Variants in SNTG1 observed in about 807,000 individuals in gnomAD.
SNTG1 encodes syntrophin gamma 1, also known as gamma-1-syntrophin.
Under a neutral mutation model 74.7 loss-of-function variants are expected in SNTG1, and 39 were observed. The ratio of observed to expected loss-of-function variants is 0.52; its 90% confidence interval spans 0.40 to 0.68. The LOEUF (loss-of-function observed/expected upper bound fraction) is 0.68, where lower values mean the gene tolerates loss of function less well. SNTG1 is among the 30% of genes least tolerant of loss of function. The pLI is 0.00. For missense variants in SNTG1, 685 were observed against 609.5 expected, an observed-to-expected ratio of 1.12 and a Z score of -1.30; for synonymous variants, 254 against 217.1, an observed-to-expected ratio of 1.17 and a Z score of -1.49.
At chr8:50,312,405 G>A (rs540957998) in intron 2 of SNTG1, among the ~76,000 whole-genome samples, 22 of 151,696 alleles carry the variant, frequency 1.5e-4, no homozygotes, top group African/African-American at 5.1e-4. Context: ...TGAAATTTTG[G>A]TATAATTTTT....
At chr8:49,976,067 T>C (rs1812165536) in intron 1 of SNTG1, among the ~76,000 whole-genome samples, 1 of 152,120 alleles carries the variant, frequency 6.6e-6, no homozygotes, top group African/African-American at 2.4e-5. Context: ...CTACTGTCAT[T>C]CTTGGCAACT....
intron 1 of SNTG1, among the ~76,000 whole-genome samples, chr8:49,972,900 T>A (rs1169198803): frequency 1.3e-5 from 2 of 148,546 alleles, no homozygotes; most frequent in Non-Finnish European, 3.0e-5. Context: ...ATAGGGACGC[T>A]TTTACACTGT....
chr8:50,315,967 T>G (rs1327585016), intron 2 of SNTG1, among the ~76,000 whole-genome samples: 2 of 152,190 alleles, frequency 1.3e-5, no homozygotes, highest in Admixed American at 6.5e-5. Context: ...AAGAAAAATC[T>G]CTCAAATGTT....
At chr8:49,974,716 C>A (rs561317036) in intron 1 of SNTG1, among the ~76,000 whole-genome samples, 1 of 152,010 alleles carries the variant, frequency 6.6e-6, no homozygotes, top group Admixed American at 6.6e-5. Flanking sequence ...TAAAATCCAA[C>A]GACTCTATTT....
chr8:50,071,194 A>C (rs986870148), intron 1 of SNTG1, among the ~76,000 whole-genome samples: 2 of 152,088 alleles, frequency 1.3e-5, no homozygotes, highest in African/African-American at 4.8e-5. Flanking sequence ...TCACATATAC[A>C]TGAACTTATT....
intron 1 of SNTG1, among the ~76,000 whole-genome samples, chr8:50,077,187 C>T (rs1357541445): frequency 2.0e-5 from 3 of 152,002 alleles, no homozygotes; most frequent in East Asian, 3.9e-4. Context: ...ATGATGAATT[C>T]GATATTCAAT....
chr8:50,688,553 G>T (rs1188133554), intron 15 of SNTG1, among the ~76,000 whole-genome samples: 1 of 152,158 alleles, frequency 6.6e-6, no homozygotes, highest in South Asian at 2.1e-4. Context: ...GTTTGTCAAA[G>T]ATCAGATAAT....
chr8:49,914,844 G>GA (rs1248319479), intron 1 of SNTG1: 1 of 152,106 alleles, frequency 6.6e-6, no homozygotes, highest in East Asian at 1.9e-4. Context: ...CACTAGGAAA[G>GA]AAAAAAGCAT....
Position 49,951,873 on chromosome 8 carries a change from C to CAAAAAAAAAAAAAA in SNTG1, c.-103+39660_-103+39673dup, listed in dbSNP as rs5891338. 5.7e-4 allele frequency among the ~76,000 whole-genome samples: 32 copies of CAAAAAAAAAAAAAA among 56,270 alleles called. 1 individual carries two copies. Among genetic ancestry groups the CAAAAAAAAAAAAAA allele is most frequent in the Admixed American group, 9.8e-4 (3 of 3,070 alleles). The allele number at this position is 56,270 out of a possible 152,430, so 36.9% of individuals were successfully genotyped here. ...AACAGAAGGAAATCTGGAAAATTCA[C>CAAAAAAAAAAAAAA]AAAAAAAAAAAAAAAAAAAAAAAAA... On this transcript the variant is annotated intron_variant, in intron 1 of 18. Coordinates refer to ENST00000642720, the MANE Select transcript of SNTG1 (RefSeq NM_018967.5).
intron 10 of SNTG1, among the ~76,000 whole-genome samples, chr8:50,532,151 T>C (rs188317736): frequency 6.6e-6 from 1 of 152,290 alleles, no homozygotes; most frequent in East Asian, 1.9e-4. Flanking sequence ...GCACTAGGAT[T>C]GAACATTCTT....
At chr8:50,410,530 G>GAT (rs1444694734) in intron 4 of SNTG1, among the ~76,000 whole-genome samples, 2 of 151,884 alleles carry the variant, frequency 1.3e-5, no homozygotes, top group African/African-American at 4.8e-5. Flanking sequence ...TGACTTGATA[G>GAT]ATATATATAC....
intron 2 of SNTG1, among the ~76,000 whole-genome samples, chr8:50,250,205 A>G (rs895930631): frequency 2.6e-5 from 4 of 152,026 alleles, no homozygotes; most frequent in Non-Finnish European, 5.9e-5. Flanking sequence ...ACAACACTAG[A>G]TCAAGCAGAA....
At chr8:50,094,183 G>A (rs2079845266) in intron 1 of SNTG1, among the ~76,000 whole-genome samples, 1 of 152,074 alleles carries the variant, frequency 6.6e-6, no homozygotes, top group Non-Finnish European at 1.5e-5. Flanking sequence ...AACACTTCAA[G>A]AGTGAACAGA....
At chr8:50,557,072 T>A (rs1310965050) in intron 12 of SNTG1, among the ~76,000 whole-genome samples, 1 of 152,060 alleles carries the variant, frequency 6.6e-6, no homozygotes, top group Non-Finnish European at 1.5e-5. Flanking sequence ...TACTTCTTAT[T>A]ATAACCTTGG....
chr8:50,388,919 T>A (rs1244040919), intron 2 of SNTG1, among the ~76,000 whole-genome samples: 2 of 151,862 alleles, frequency 1.3e-5, no homozygotes, highest in Admixed American at 6.6e-5. Context: ...GACGCAGGAG[T>A]CTTCAATGTG....
At chr8:50,669,899 A>G (rs2095271035) in intron 15 of SNTG1, among the ~76,000 whole-genome samples, 1 of 152,242 alleles carries the variant, frequency 6.6e-6, no homozygotes, top group South Asian at 2.1e-4. Context: ...AGGCAAATCA[A>G]TAAATGTAAT....
chr8:50,022,657 C>A (rs1018796948), intron 1 of SNTG1, among the ~76,000 whole-genome samples: 1 of 152,112 alleles, frequency 6.6e-6, no homozygotes, highest in Admixed American at 6.6e-5. Flanking sequence ...TTGTTTTGTT[C>A]TTTCGTTCAT....
chr8:50,210,112 GGAA>G (rs1038654025), intron 2 of SNTG1, among the ~76,000 whole-genome samples: 8 of 152,132 alleles, frequency 5.3e-5, no homozygotes, highest in Admixed American at 5.2e-4. Flanking sequence ...TTGATCAAGT[GGAA>G]GAAGGAGTAT....
At chr8:50,510,659 G>A (rs1036424631) in intron 9 of SNTG1, among the ~76,000 whole-genome samples, 4 of 151,964 alleles carry the variant, frequency 2.6e-5, no homozygotes, top group African/African-American at 4.8e-5. Flanking sequence ...TGTATATGTC[G>A]AGGAATTTAT....
Sources: allele counts gnomAD v4.1 joint callset (sites outside exome capture counted in the v4.1 genomes callset), GRCh38; gene constraint gnomAD v4.1.1; transcripts MANE v1.5; gene names NCBI Gene and HGNC (gene_info 2026-07-23, HGNC 2026-07-21).